The following DLGAP1 variants were observed in gnomAD, a reference collection of about 807,000 sequenced individuals.
The protein encoded by DLGAP1 is disks large-associated protein 1.
In DLGAP1, 11 loss-of-function variants were observed where a neutral mutation model predicts 90.8. The observed-to-expected ratio is 0.12, with a 90% CI of 0.08 to 0.20. The LOEUF (loss-of-function observed/expected upper bound fraction) is 0.20, where lower values mean the gene tolerates loss of function less well. DLGAP1 is among the 10% of genes least tolerant of loss of function. DLGAP1 has a pLI of 1.00. For missense variants in DLGAP1, 1,050 were observed against 1,333.8 expected (o/e 0.79, Z 3.31); for synonymous variants, 558 against 540.7 (o/e 1.03, Z -0.44).
intron 7 of DLGAP1, among the ~76,000 whole-genome samples, chr18:3,638,642 G>A (rs188399834): frequency 7.2e-5 from 11 of 152,262 alleles, no homozygotes; most frequent in African/African-American, 2.6e-4. Flanking sequence ...ATCTTAATGA[G>A]ATATTTATAC....
At chr18:3,580,485 A>G in intron 8 of DLGAP1, 2 of 1,608,650 alleles carry the variant, frequency 1.2e-6, no homozygotes, top group Non-Finnish European at 1.7e-6. Context: ...ATTGTCCACA[A>G]GGTGAGAGAC....
chr18:3,508,498 T>C (rs2050365157), intron 11 of DLGAP1, 72 bp downstream of exon 11: 1 of 1,106,416 alleles, frequency 9.0e-7, no homozygotes, highest in Non-Finnish European at 1.3e-6. Flanking sequence ...TTTACTTTAG[T>C]TGGGCCAGTC....
chr18:3,651,726 A>G (rs2059312397), intron 7 of DLGAP1, among the ~76,000 whole-genome samples: 1 of 152,074 alleles, frequency 6.6e-6, no homozygotes. Context: ...TAATCCCAGC[A>G]CTTTGGGAGG....
At chr18:4,275,664 G>A (rs899789850) in intron 1 of DLGAP1, among the ~76,000 whole-genome samples, 4 of 151,332 alleles carry the variant, frequency 2.6e-5, no homozygotes, top group African/African-American at 4.8e-5. Flanking sequence ...ATTCTTGCAA[G>A]AAATACTTAT....
At chr18:4,433,151 T>C (rs1332062561) in intron 1 of DLGAP1, among the ~76,000 whole-genome samples, 1 of 152,184 alleles carries the variant, frequency 6.6e-6, no homozygotes, top group African/African-American at 2.4e-5. Flanking sequence ...CAAAATAATA[T>C]GGGACTGAAT....
intron 1 of DLGAP1, among the ~76,000 whole-genome samples, chr18:4,323,693 T>G (rs1328270251): frequency 1.3e-5 from 2 of 151,512 alleles, no homozygotes; most frequent in East Asian, 3.9e-4. Context: ...CATGGCAAAA[T>G]AAAAATAAAA....
chr18:3,893,402 TC>T (rs1417830828), intron 3 of DLGAP1, among the ~76,000 whole-genome samples: 1 of 151,442 alleles, frequency 6.6e-6, no homozygotes, highest in East Asian at 1.9e-4. Flanking sequence ...CATGGTGAAA[TC>T]CCCTTTCTAC....
At chr18:3,543,239 C>T (rs1218385471) in intron 9 of DLGAP1, among the ~76,000 whole-genome samples, 8 of 139,552 alleles carry the variant, frequency 5.7e-5, no homozygotes, top group East Asian at 2.2e-4. Context: ...GGTGTGATCT[C>T]GGCTCACTGC....
At chr18:4,179,603 C>T (rs961652048) in intron 1 of DLGAP1, among the ~76,000 whole-genome samples, 33 of 152,128 alleles carry the variant, frequency 2.2e-4, no homozygotes, top group Admixed American at 1.4e-3. Flanking sequence ...CAAGGTCACA[C>T]AGCTGGTTAT....
Position 3,562,054 on chromosome 18 carries a change from C to G in DLGAP1, c.2057+5436G>C, listed in dbSNP as rs1354708735. Among the ~76,000 whole-genome samples the G allele has an allele frequency of 1.3e-5, 2 of 150,466 alleles. 1 individual carries two copies. Among genetic ancestry groups the G allele is most frequent in the African/African-American group, 5.0e-5 (2 of 39,934 alleles). Reference sequence around the variant, plus strand: ...CCAGCCTGGCCAACATGGTGAAACCCTGTCTCTACTAAAAATATAAAAATT... The same window carrying G: ...CCAGCCTGGCCAACATGGTGAAACCGTGTCTCTACTAAAAATATAAAAATT... On this transcript the variant is annotated intron_variant, in intron 9 of 12. Transcript: ENST00000315677.
intron 7 of DLGAP1, among the ~76,000 whole-genome samples, chr18:3,714,692 G>A (rs954848595): frequency 1.4e-5 from 2 of 142,402 alleles, no homozygotes; most frequent in Non-Finnish European, 3.0e-5. Flanking sequence ...GTCATGCAAT[G>A]GTGTGATCTT....
rs140529862 is a variant in DLGAP1, at chr18:4,044,435, A to C, written c.-158-39234T>G. Among the ~76,000 whole-genome samples the C allele has an allele frequency of 1.4e-4, 22 of 152,312 alleles. No homozygotes were observed. The East Asian group carries it at 2.3e-3, about 16-fold the overall frequency. On this transcript the variant is annotated intron_variant, in intron 2 of 12. Coordinates refer to ENST00000315677, the MANE Select transcript of DLGAP1 (RefSeq NM_004746.4). Reference sequence around the variant, plus strand: ...ATTGCCCGGTGTTGAGAATCAACAGACACACTTGTTAAAAATACAAATCCC... The same window carrying C: ...ATTGCCCGGTGTTGAGAATCAACAGCCACACTTGTTAAAAATACAAATCCC...
chr18:4,345,025 C>T (rs1433524435), intron 1 of DLGAP1, among the ~76,000 whole-genome samples: 1 of 152,150 alleles, frequency 6.6e-6, no homozygotes, highest in Non-Finnish European at 1.5e-5. Flanking sequence ...AATCTCAGGG[C>T]TTTGAGATGC....
intron 2 of DLGAP1, among the ~76,000 whole-genome samples, chr18:4,071,131 T>C (rs1417442306): frequency 6.6e-6 from 1 of 152,182 alleles, no homozygotes; most frequent in African/African-American, 2.4e-5. Context: ...CACTATTATA[T>C]ATAATTCTAT....
At chr18:4,111,940 A>G (rs1426931826) in intron 2 of DLGAP1, among the ~76,000 whole-genome samples, 1 of 150,812 alleles carries the variant, frequency 6.6e-6, no homozygotes, top group Non-Finnish European at 1.5e-5. Flanking sequence ...TTTATTCTGT[A>G]ATAAAATAAC....
rs1201151797 is a variant in DLGAP1 at position 3,582,133 on chromosome 18, G to A, written c.1707C>T (p.Ala569=). Residue 569 remains alanine, a synonymous_variant, in exon 8 of 13, where the codon GCC becomes GCT. Coordinates refer to ENST00000315677, the MANE Select transcript of DLGAP1 (RefSeq NM_004746.4). The part of the protein sequence containing the change: ...AQSSTESAQD[A]YMDGQGQRGD... Reference sequence around the variant, plus strand: ...CTCGCTGGCCCTGTCCGTCCATGTAGGCATCCTGGGCTGACTCTGTGCTAC... The same window carrying A: ...CTCGCTGGCCCTGTCCGTCCATGTAAGCATCCTGGGCTGACTCTGTGCTAC... 10 of 1,613,894 alleles carry A rather than the reference G, an allele frequency of 6.2e-6. No homozygotes were observed. The highest frequency in any genetic ancestry group is 1.3e-5 in the African/African-American group (1 of 74,848).
chr18:3,963,384 G>A (rs1427896081), intron 3 of DLGAP1, among the ~76,000 whole-genome samples: 1 of 152,166 alleles, frequency 6.6e-6, no homozygotes. Context: ...GAAGGAAAGT[G>A]TGCAGCTGCC....
chr18:4,135,591 T>G (rs558856754), intron 2 of DLGAP1, among the ~76,000 whole-genome samples: 20 of 152,190 alleles, frequency 1.3e-4, no homozygotes, highest in African/African-American at 4.8e-4. Context: ...CTATCTCTCA[T>G]CCTCCACTCC....
intron 1 of DLGAP1, among the ~76,000 whole-genome samples, chr18:4,402,649 T>C (rs79097170): frequency 0.028 from 4,300 of 152,304 alleles, 80 homozygotes; most frequent in Non-Finnish European, 0.046. Flanking sequence ...TTGTAGAGTA[T>C]TGCTTTTTTA....
Sources: gnomAD v4.1 joint callset for allele counts (sites outside exome capture counted in the v4.1 genomes callset) on GRCh38, gnomAD v4.1.1 for gene constraint, MANE v1.5 for transcripts, NCBI Gene and HGNC (gene_info 2026-07-23, HGNC 2026-07-21) for gene names.